The following STX17 variants were observed in gnomAD, a reference collection of about 807,000 sequenced individuals.
The protein encoded by STX17 is syntaxin 17.
A neutral mutation model predicts 35.9 loss-of-function variants in STX17; 29 were observed. That is an observed-to-expected ratio of 0.81 (90% CI 0.60 to 1.10). The LOEUF (loss-of-function observed/expected upper bound fraction) is 1.10. STX17 is among the 50% of genes least tolerant of loss of function. The pLI, the probability that STX17 is intolerant of heterozygous loss-of-function variation, is 0.00. For missense variants in STX17, 312 were observed against 352.3 expected, an observed-to-expected ratio of 0.89 and a Z score of 0.92; for synonymous variants, 92 against 118.3, an observed-to-expected ratio of 0.78 and a Z score of 1.44.
intron 6 of STX17, among the ~76,000 whole-genome samples, chr9:99,964,155 T>C (rs995344637): frequency 1.3e-5 from 2 of 152,194 alleles, no homozygotes; most frequent in African/African-American, 4.8e-5. Flanking sequence ...TGTATTATTA[T>C]TGCTTGACAT....
intron 2 of STX17, among the ~76,000 whole-genome samples, chr9:99,923,768 CT>C (rs900465972): frequency 1.2e-4 from 18 of 152,168 alleles, no homozygotes; most frequent in African/African-American, 3.6e-4. Flanking sequence ...CCCACGATCC[CT>C]TTTTGGGCTT....
chr9:99,938,653 G>A (rs888752297), intron 3 of STX17, among the ~76,000 whole-genome samples: 10 of 152,032 alleles, frequency 6.6e-5, no homozygotes, highest in African/African-American at 2.2e-4. Context: ...CAGGCATGGT[G>A]GTGTGTGCCC....
intron 4 of STX17, among the ~76,000 whole-genome samples, chr9:99,953,770 A>G (rs1564072196): frequency 6.6e-6 from 1 of 152,060 alleles, no homozygotes; most frequent in Non-Finnish European, 1.5e-5. Flanking sequence ...CAATTCCCCT[A>G]TCAAACAAAA....
At chr9:99,936,333 T>C (rs1306055810) in intron 3 of STX17, among the ~76,000 whole-genome samples, 2 of 152,340 alleles carry the variant, frequency 1.3e-5, no homozygotes, top group South Asian at 2.1e-4. Context: ...AGTTCCTCCA[T>C]TGTCCTTGCA....
intron 2 of STX17, among the ~76,000 whole-genome samples, chr9:99,923,363 GA>G (rs1229722337): frequency 2.6e-5 from 4 of 152,048 alleles, no homozygotes; most frequent in African/African-American, 9.7e-5. Flanking sequence ...GATATTATAT[GA>G]AAAAAACCTG....
rs1829994067 is a variant in STX17 at position 99,970,100 on chromosome 9, G to A, written c.*1427G>A. The A allele has an allele frequency of 6.6e-6, 1 of 152,298 alleles. No individual in the cohort carries two copies. The allele number at this position is 152,298 out of a possible 1,614,324, so 9.4% of individuals were successfully genotyped here. On this transcript the variant is annotated 3_prime_UTR_variant, in exon 8 of 8. Coordinates refer to ENST00000259400, the MANE Select transcript of STX17 (RefSeq NM_017919.3). ...CTTAACGCTTTTTTCTGAGCACAGG[G>A]ATGGGCACCTGCACCCCAGAAGGTG...
chr9:99,957,053 C>T (rs1249638856), intron 4 of STX17, among the ~76,000 whole-genome samples: 2 of 152,196 alleles, frequency 1.3e-5, no homozygotes, highest in Non-Finnish European at 2.9e-5. Flanking sequence ...GTCTGCAAGG[C>T]CCCTCCTGAC....
At chr9:99,946,452 T>A (rs935308354) in intron 3 of STX17, among the ~76,000 whole-genome samples, 34 of 152,202 alleles carry the variant, frequency 2.2e-4, no homozygotes, top group African/African-American at 8.2e-4. Context: ...GTTCCATGTA[T>A]GCCCTGCAAC....
Position 99,960,073 on chromosome 9 carries a change from TA to T in STX17, c.532-28del, listed in dbSNP as rs754334546. On this transcript the variant is annotated intron_variant, in intron 5 of 7. Coordinates refer to ENST00000259400, the MANE Select transcript of STX17 (RefSeq NM_017919.3). ...TTTTCTTTTTGGTAGTTGTGAGGCA[TA>T]AAAGTAACTTCCTCTCCCTTTCTTT... 1,303 of 1,613,948 alleles carry T rather than the reference TA, an allele frequency of 8.1e-4. 1 individual carries two copies. Among genetic ancestry groups the T allele is most frequent in the Non-Finnish European group, 1.0e-3 (1,187 of 1,179,892 alleles).
intron 1 of STX17, among the ~76,000 whole-genome samples, chr9:99,912,716 A>T (rs985726530): frequency 6.6e-6 from 1 of 152,250 alleles, no homozygotes; most frequent in African/African-American, 2.4e-5. Flanking sequence ...ATTGTGAAGC[A>T]TCTACGTAAT....
chr9:99,948,366 T>A (rs1211539073), intron 3 of STX17, among the ~76,000 whole-genome samples: 1 of 152,092 alleles, frequency 6.6e-6, no homozygotes, highest in Non-Finnish European at 1.5e-5. Flanking sequence ...TTCCCTTGTT[T>A]TTACTTTTTT....
intron 2 of STX17, among the ~76,000 whole-genome samples, chr9:99,927,734 C>T (rs1277708484): frequency 2.6e-5 from 4 of 152,190 alleles, no homozygotes; most frequent in Admixed American, 2.6e-4. Context: ...GCCCCAGCCT[C>T]CCAAAGTGCT....
At chr9:99,952,324 A>G (rs897696458) in intron 4 of STX17, among the ~76,000 whole-genome samples, 3 of 152,206 alleles carry the variant, frequency 2.0e-5, no homozygotes, top group Admixed American at 2.0e-4. Context: ...TCAAAACCAC[A>G]GTGAGATACC....
At chr9:99,932,545 T>C (rs1829147539) in intron 3 of STX17, among the ~76,000 whole-genome samples, 1 of 152,208 alleles carries the variant, frequency 6.6e-6, no homozygotes, top group African/African-American at 2.4e-5. Flanking sequence ...AATGAGATTA[T>C]TATGACTTAG....
chr9:99,909,777 C>T (rs1407216083), intron 1 of STX17, among the ~76,000 whole-genome samples: 1 of 152,114 alleles, frequency 6.6e-6, no homozygotes, highest in East Asian at 1.9e-4. Context: ...AAGAGTATAA[C>T]TGGATTGTTT....
rs374135320 is a variant in STX17, at chr9:99,916,398, T to C, written c.123+1036T>C. 3.7e-5 allele frequency among the ~76,000 whole-genome samples: 3 copies of C among 80,644 alleles called. No homozygotes were observed. The South Asian group carries it at 1.1e-3, about 28-fold the overall frequency. The allele number at this position is 80,644 out of a possible 152,430, so 52.9% of individuals were successfully genotyped here. ...TTAAGCTGCAGAACCTCCATTTATTTATTTATTTATTTATTTATTTATTTA... is the reference window on the plus strand; with the variant it reads ...TTAAGCTGCAGAACCTCCATTTATTCATTTATTTATTTATTTATTTATTTA... On this transcript the variant is annotated intron_variant, in intron 2 of 7. Coordinates refer to ENST00000259400, the MANE Select transcript of STX17 (RefSeq NM_017919.3).
chr9:99,938,510 C>T (rs938026821), intron 3 of STX17, among the ~76,000 whole-genome samples: 10 of 152,198 alleles, frequency 6.6e-5, no homozygotes, highest in African/African-American at 1.9e-4. Context: ...AAAGGCCAGG[C>T]GCAGTGGCTC....
chr9:99,925,493 T>G (rs1828969883), intron 2 of STX17, among the ~76,000 whole-genome samples: 1 of 152,078 alleles, frequency 6.6e-6, no homozygotes, highest in South Asian at 2.1e-4. Context: ...GTATCCCCTT[T>G]CTATCAACTT....
chr9:99,909,096 C>A (rs140944559), intron 1 of STX17, among the ~76,000 whole-genome samples: 30 of 152,328 alleles, frequency 2.0e-4, no homozygotes, highest in African/African-American at 7.0e-4. Context: ...GACCTATGTT[C>A]CTGTGAGAAA....
Sources: gnomAD v4.1 joint callset for allele counts (sites outside exome capture counted in the v4.1 genomes callset) on GRCh38, gnomAD v4.1.1 for gene constraint, MANE v1.5 for transcripts, NCBI Gene and HGNC (gene_info 2026-07-23, HGNC 2026-07-21) for gene names.